CNTN5: variants seen among roughly 807,000 people sequenced by gnomAD.
The protein encoded by CNTN5 is contactin 5.
Under a neutral mutation model 129.1 loss-of-function variants are expected in CNTN5, and 77 were observed. The ratio of observed to expected loss-of-function variants is 0.60; its 90% confidence interval spans 0.50 to 0.72. The LOEUF (loss-of-function observed/expected upper bound fraction) is 0.72. CNTN5 is among the 30% of genes least tolerant of loss of function. The pLI is 0.00. For synonymous variants in CNTN5, 509 were observed against 465.6 expected, an observed-to-expected ratio of 1.09 and a Z score of -1.20; for missense variants, 1,478 against 1,328.8, an observed-to-expected ratio of 1.11 and a Z score of -1.75.
At chr11:100,309,646 T>A in intron 21 of CNTN5, 1 of 984,162 alleles carries the variant, frequency 1.0e-6, no homozygotes, top group Non-Finnish European at 1.2e-6. Flanking sequence ...TCTCAGCAAA[T>A]GATAATATAT....
At chr11:99,572,331 T>A (rs1369540888) in intron 3 of CNTN5, among the ~76,000 whole-genome samples, 1 of 152,216 alleles carries the variant, frequency 6.6e-6, no homozygotes, top group African/African-American at 2.4e-5. Flanking sequence ...TAAGAAAATT[T>A]ACAAATTTAT....
chr11:100,305,325 G>C (rs980912035), intron 20 of CNTN5, among the ~76,000 whole-genome samples: 1 of 151,548 alleles, frequency 6.6e-6, no homozygotes, highest in African/African-American at 2.4e-5. Flanking sequence ...AGTACTCCTT[G>C]TGTGAGACAA....
At chr11:99,794,504 G>T (rs1428512815) in intron 3 of CNTN5, among the ~76,000 whole-genome samples, 1 of 152,060 alleles carries the variant, frequency 6.6e-6, no homozygotes, top group African/African-American at 2.4e-5. Context: ...TGTTTATGTG[G>T]TTGCTTTATA....
chr11:100,160,771 C>G (rs1011985835), intron 13 of CNTN5, among the ~76,000 whole-genome samples: 2 of 151,908 alleles, frequency 1.3e-5, no homozygotes, highest in Non-Finnish European at 2.9e-5. Flanking sequence ...ATGCTGCGCA[C>G]TTAATATTCA....
At chr11:100,165,179 T>G (rs908272906) in intron 13 of CNTN5, among the ~76,000 whole-genome samples, 2 of 151,760 alleles carry the variant, frequency 1.3e-5, no homozygotes, top group Non-Finnish European at 2.9e-5. Flanking sequence ...AATAGGAGAC[T>G]CAGATTCTCA....
chr11:100,100,028 T>C (rs1262508305), intron 13 of CNTN5, among the ~76,000 whole-genome samples: 1 of 152,156 alleles, frequency 6.6e-6, no homozygotes, highest in East Asian at 1.9e-4. Flanking sequence ...TTCTTCTTAG[T>C]TCCAATTATC....
At chr11:100,079,809 G>A (rs1380161511) in intron 13 of CNTN5, among the ~76,000 whole-genome samples, 5 of 151,856 alleles carry the variant, frequency 3.3e-5, no homozygotes, top group African/African-American at 1.2e-4. Context: ...TATTCCACAG[G>A]GATTTTCTCC....
At chr11:99,595,432 G>A (rs1452623125) in intron 3 of CNTN5, among the ~76,000 whole-genome samples, 1 of 152,018 alleles carries the variant, frequency 6.6e-6, no homozygotes, top group Non-Finnish European at 1.5e-5. Flanking sequence ...CTCAGTCTTT[G>A]TTTTAAGATA....
chr11:99,401,592 T>C (rs1005338569), intron 2 of CNTN5, among the ~76,000 whole-genome samples: 1 of 152,174 alleles, frequency 6.6e-6, no homozygotes, highest in Non-Finnish European at 1.5e-5. Flanking sequence ...ATATAAATTT[T>C]AGAATTTCAA....
intron 1 of CNTN5, among the ~76,000 whole-genome samples, chr11:99,245,107 G>C (rs1213113391): frequency 6.6e-6 from 1 of 151,844 alleles, no homozygotes; most frequent in Non-Finnish European, 1.5e-5. Flanking sequence ...TCATATCACT[G>C]TCAAACTGCA....
At chr11:99,720,962 C>T (rs549034690) in intron 3 of CNTN5, among the ~76,000 whole-genome samples, 99 of 151,922 alleles carry the variant, frequency 6.5e-4, no homozygotes, top group South Asian at 4.2e-4. Flanking sequence ...ATCTCTACAA[C>T]GAGAATTAAA....
At chr11:100,140,176 G>T (rs1044473257) in intron 13 of CNTN5, among the ~76,000 whole-genome samples, 23 of 152,218 alleles carry the variant, frequency 1.5e-4, no homozygotes, top group Admixed American at 6.5e-5. Flanking sequence ...AAATAAACCA[G>T]TGATCTCCAG....
intron 1 of CNTN5, 121 bp from the exon 2 acceptor site, chr11:99,325,225 T>C (rs1865732756): frequency 6.6e-6 from 1 of 152,118 alleles, no homozygotes; most frequent in Non-Finnish European, 1.5e-5. Flanking sequence ...GCATAGTGAT[T>C]GTATGTATAA....
chr11:99,711,596 A>G (rs1954991687), intron 3 of CNTN5, among the ~76,000 whole-genome samples: 1 of 151,684 alleles, frequency 6.6e-6, no homozygotes, highest in Non-Finnish European at 1.5e-5. Flanking sequence ...CCCATCATTC[A>G]CGTTAGGTAT....
At chr11:99,552,250 T>G (rs1466885043) in intron 2 of CNTN5, among the ~76,000 whole-genome samples, 1 of 147,606 alleles carries the variant, frequency 6.8e-6, no homozygotes, top group Non-Finnish European at 1.5e-5. Flanking sequence ...CCAAAAAATT[T>G]ATTTCCTAGA....
At position 100,247,756 on chromosome 11, in the gene CNTN5, T is replaced by C. The variant is rs180875550; in HGVS notation, c.2006-8004T>C. On this transcript the variant is annotated intron_variant, in intron 16 of 24. Transcript: ENST00000524871. ...GCAGGTATTAATAGCTAATGTACTA[T>C]GAAAAGTCTAGTCACATTATTAAAT... Among the ~76,000 whole-genome samples, 249 of 152,200 alleles carry C rather than the reference T, an allele frequency of 1.6e-3. 1 individual carries two copies. The highest frequency in any genetic ancestry group is 5.5e-3 in the African/African-American group (230 of 41,566).
intron 2 of CNTN5, among the ~76,000 whole-genome samples, chr11:99,334,799 G>C (rs1018909758): frequency 6.7e-6 from 1 of 149,774 alleles, no homozygotes; most frequent in African/African-American, 2.5e-5. Flanking sequence ...TAGATATATT[G>C]GGTTAACAAA....
chr11:99,063,534 A>AAATG (rs750679125), intron 1 of CNTN5, among the ~76,000 whole-genome samples: 6,371 of 139,038 alleles, frequency 0.046, 219 homozygotes, highest in Middle Eastern at 0.092. Context: ...ATAAATAAAT[A>AAATG]AATAAATAAA....
chr11:99,458,026 A>C (rs1047731680), intron 2 of CNTN5, among the ~76,000 whole-genome samples: 1 of 151,910 alleles, frequency 6.6e-6, no homozygotes, highest in African/African-American at 2.4e-5. Flanking sequence ...TGAATTATAT[A>C]ATCATTATGA....
Sources: allele counts gnomAD v4.1 joint callset (sites outside exome capture counted in the v4.1 genomes callset), GRCh38; gene constraint gnomAD v4.1.1; transcripts MANE v1.5; gene names NCBI Gene and HGNC (gene_info 2026-07-23, HGNC 2026-07-21).